Variants in IGSF9B observed in about 807,000 individuals in gnomAD.
IGSF9B encodes the protein immunoglobulin superfamily member 9B.
In IGSF9B, 48 loss-of-function variants were observed where a neutral mutation model predicts 143.7. The observed-to-expected ratio is 0.33, with a 90% CI of 0.26 to 0.42. The LOEUF is 0.42. Ranked by LOEUF, IGSF9B falls within the 20% of genes least tolerant of loss-of-function variation. IGSF9B has a pLI of 1.00. For missense variants in IGSF9B, 1,706 were observed against 1,980.0 expected (o/e 0.86, Z 2.63); for synonymous variants, 903 against 833.1 (o/e 1.08, Z -1.44).
intron 1 of IGSF9B, among the ~76,000 whole-genome samples, chr11:133,952,890 T>C (rs929438290): frequency 6.6e-6 from 1 of 152,140 alleles, no homozygotes; most frequent in African/African-American, 2.4e-5. Context: ...CACAAGCTGC[T>C]TCACCTCTTC....
At chr11:133,936,260 T>C (rs1195464290) in intron 5 of IGSF9B, 66 bp from the exon 6 acceptor site, 2 of 1,505,448 alleles carry the variant, frequency 1.3e-6, no homozygotes, top group African/African-American at 1.4e-5. Context: ...CCAGGCCTCC[T>C]GGGAGCCCTC....
In IGSF9B at chr11:133,928,100, C is replaced by T. The variant is rs1022121556; in HGVS notation, c.1632-1009G>A. On this transcript the variant is annotated intron_variant, in intron 12 of 19. Transcript: ENST00000533871. The surrounding 1 kb of genome is among the most constrained non-coding windows in gnomAD (Gnocchi z 4.7). ...GATGAGCAGCAGCGTGGAGCAGCAG[C>T]GTGAAGCAGCACCGCAAGCAGCAGG... is the stretch of plus-strand genomic sequence containing the variant. Among the ~76,000 whole-genome samples the T allele has an allele frequency of 5.3e-5, 8 of 152,248 alleles. No homozygotes were observed. The East Asian group carries it at 5.8e-4, about 11-fold the overall frequency.
intron 7 of IGSF9B, 107 bp downstream of exon 7, chr11:133,935,510 T>A: frequency 7.9e-7 from 1 of 1,261,090 alleles, no homozygotes; most frequent in Non-Finnish European, 1.1e-6. Flanking sequence ...TCCACCTACA[T>A]GCCCCCAAAT....
At chr11:133,919,531 G>A (rs1461425065) in intron 18 of IGSF9B, among the ~76,000 whole-genome samples, 2 of 152,172 alleles carry the variant, frequency 1.3e-5, no homozygotes, top group South Asian at 4.1e-4. Context: ...TCATGCTCCC[G>A]GCAGGGCACC....
In IGSF9B at chr11:133,951,936, G is replaced by A. The variant is rs752770218; in HGVS notation, c.64+4755C>T. ...GAAAATGAAGACAGTGACTCACCTC[G>A]TACAGTCTGTGCCTGTGTGCAAGTC... On this transcript the variant is annotated intron_variant, in intron 1 of 19. Transcript: ENST00000533871. The A allele has an allele frequency of 6.1e-4, 233 of 384,438 alleles. 2 individuals are homozygous for A. Among genetic ancestry groups the A allele is most frequent in the South Asian group, 4.0e-3 (213 of 53,562 alleles). The allele number at this position is 384,438 out of a possible 1,614,324, so 23.8% of individuals were successfully genotyped here.
At chr11:133,943,347 C>G (rs545383511) in intron 3 of IGSF9B, among the ~76,000 whole-genome samples, 1 of 152,226 alleles carries the variant, frequency 6.6e-6, no homozygotes, top group African/African-American at 2.4e-5. Context: ...CCTCCCACGA[C>G]GGGGACCACT....
At position 133,920,814 on chromosome 11, in the gene IGSF9B, T is replaced by G. The variant is rs1330707769; in HGVS notation, c.2911A>C (p.Ser971Arg). The change falls in exon 18 of 20, where the codon AGC becomes CGC. Residue 971 changes from serine to arginine, a missense_variant. Ser to Arg is a moderately radical substitution (Grantham distance 110, BLOSUM62 -1). Around this residue, in one of 7 missense-constraint regions of IGSF9B, gnomAD observed 880 missense variants for 762.9 expected, o/e 1.15. Transcript: ENST00000533871. Reference sequence around the variant, plus strand: ...TCCACCTCCCCAGGGCTGCTGCTGCTGAGGTACCCATAATACTGGCCATGG... The same window carrying G: ...TCCACCTCCCCAGGGCTGCTGCTGCGGAGGTACCCATAATACTGGCCATGG... ...FHHGQYYGYLSSSSPGEVEPP... is the reference protein window; with the variant it reads ...FHHGQYYGYLRSSSPGEVEPP... 6.2e-7 allele frequency: 1 copy of G among 1,605,714 alleles called. No homozygotes were observed. Among genetic ancestry groups the G allele is most frequent in the Admixed American group, 1.7e-5 (1 of 59,380 alleles).
rs772295879 is a variant in IGSF9B, at chr11:133,921,236, T to C, written c.2489A>G (p.Lys830Arg). Residue 830 changes from lysine (K) to arginine (R), a missense_variant, in exon 18 of 20, where the codon AAG (lysine) becomes AGG (arginine). Physicochemically the swap from Lys to Arg is conservative, Grantham distance 26. Transcript: ENST00000533871. ...CTCTGCCTTGGCCACGCTGTACTTC[T>C]TGCTGCTGATGGCCCGCTTGGTCTT... The part of the protein sequence containing the change: ...YKKTKRAISS[K>R]KYSVAKAEAE... 3 of 1,610,910 alleles carry C rather than the reference T, an allele frequency of 1.9e-6. No homozygotes were observed. Among genetic ancestry groups the C allele is most frequent in the Non-Finnish European group, 2.5e-6 (3 of 1,179,082 alleles).
chr11:133,952,776 CGCACACACATGTGCACATGTATGCATGT>C (rs1437936144), intron 1 of IGSF9B, among the ~76,000 whole-genome samples: 1 of 148,954 alleles, frequency 6.7e-6, no homozygotes, highest in African/African-American at 2.5e-5. Context: ...TGTGTGTATG[CGCACACACATGTGCACATGTATGCATGT>C]GCACACACAC....
At chr11:133,947,495 A>T (rs1940075170) in intron 1 of IGSF9B, among the ~76,000 whole-genome samples, 1 of 152,154 alleles carries the variant, frequency 6.6e-6, no homozygotes, top group Non-Finnish European at 1.5e-5. Context: ...CAGCTTAAAG[A>T]CAGAGAGCCA....
intron 14 of IGSF9B, 36 bp downstream of exon 14, chr11:133,925,703 T>C (rs1231019723): frequency 1.3e-6 from 2 of 1,568,580 alleles, no homozygotes; most frequent in Non-Finnish European, 1.7e-6. Flanking sequence ...CTTCCCGGAT[T>C]TGGGAAGCAG....
chr11:133,908,864 C>A lies in IGSF9B; in HGVS notation c.*205G>T, dbSNP rs1939253915. On this transcript the variant is annotated 3_prime_UTR_variant, in exon 20 of 20. Coordinates refer to ENST00000533871, the MANE Select transcript of IGSF9B (RefSeq NM_001277285.4). ...TCCAATCCACTTCCTGACCTCGACCCACAGGTGGAAGGTGTGCCCACCCTC... is the reference window on the plus strand; with the variant it reads ...TCCAATCCACTTCCTGACCTCGACCAACAGGTGGAAGGTGTGCCCACCCTC... The A allele has an allele frequency of 5.3e-6, 3 of 563,800 alleles. No individual in the cohort carries two copies. The highest frequency in any genetic ancestry group is 3.1e-5 in the Admixed American group (1 of 32,056). 34.9% of individuals were successfully genotyped at this position (563,800 alleles called of 1,614,324 possible). A position where few individuals can be genotyped will look rare whatever the true frequency, so the allele number is the denominator to read the frequency against.
In IGSF9B at chr11:133,953,509, C is replaced by A. The variant is rs1940200356; in HGVS notation, c.64+3182G>T. On this transcript the variant is annotated intron_variant, in intron 1 of 19. Transcript: ENST00000533871. The surrounding 1 kb of genome is among the most constrained non-coding windows in gnomAD (Gnocchi z 4.2). ...CTCACCACGGGGTCTTGATAGCAAC[C>A]TCTGAGTCCAAACCTCCACCCTCCC... Among the ~76,000 whole-genome samples the A allele has an allele frequency of 6.6e-6, 1 of 152,212 alleles. No homozygotes were observed. Among genetic ancestry groups the A allele is most frequent in the African/African-American group, 2.4e-5 (1 of 41,448 alleles).
chr11:133,947,898 T>G (rs1940085278), intron 1 of IGSF9B, among the ~76,000 whole-genome samples: 1 of 152,060 alleles, frequency 6.6e-6, no homozygotes, highest in Admixed American at 6.6e-5. Flanking sequence ...GGGCTCCATT[T>G]CTGCATGTGT....
Position 133,946,219 on chromosome 11 carries a change from G to A in IGSF9B, c.104C>T (p.Ala35Val). 6.2e-7 allele frequency: 1 copy of A among 1,613,720 alleles called. No homozygotes were observed. Among genetic ancestry groups the A allele is most frequent in the Non-Finnish European group, 8.5e-7 (1 of 1,179,820 alleles). ...GLREEPEFVT[A>V]RAGESVVLRC... is the part of the protein sequence containing the mutation. ...CAGGACCACGCTCTCCCCAGCTCTT[G>A]CCGTCACAAACTCGGGCTCCTCTCG... is the stretch of plus-strand genomic sequence containing the variant. Residue 35 changes from alanine to valine, a missense_variant, in exon 2 of 20, where the codon GCA becomes GTA. This residue lies in a region of IGSF9B where 171 missense variants were observed against 213.9 expected (regional missense o/e 0.80). Transcript: ENST00000533871.
chr11:133,937,806 T>G lies in IGSF9B; in HGVS notation c.561+4A>C. 6.2e-7 allele frequency: 1 copy of G among 1,608,954 alleles called. No homozygotes were observed. Reference sequence around the variant, plus strand: ...CAGCGGCCCCAACCTAGAACCACACTCACCTGGTATTTCCCACTAGCACCG... The same window carrying G: ...CAGCGGCCCCAACCTAGAACCACACGCACCTGGTATTTCCCACTAGCACCG... On this transcript the variant is annotated splice_donor_region_variant and intron_variant, in intron 4 of 19. Transcript: ENST00000533871.
chr11:133,921,288 G>A lies in IGSF9B; in HGVS notation c.2437C>T (p.Arg813Cys), dbSNP rs373895799. The A allele has an allele frequency of 4.3e-5, 70 of 1,610,822 alleles. 1 individual carries two copies. In the Middle Eastern group the frequency reaches 6.6e-4, roughly 15 times the overall value. Residue 813 changes from arginine to cysteine, a missense_variant, in exon 18 of 20, where the codon CGT (arginine) becomes TGT (cysteine). Physicochemically the swap from Arg to Cys is radical, Grantham distance 180. Transcript: ENST00000533871. ...TTGTACAGCGACAGCTCCTTCTCAC[G>A]GGTGGGGCTCAGCATCCTCTTGGCC... ...PAAKRMLSPT[R>C]EKELSLYKKT...
chr11:133,955,055 G>C (rs1301483469), intron 1 of IGSF9B, among the ~76,000 whole-genome samples: 1 of 152,160 alleles, frequency 6.6e-6, no homozygotes, highest in Non-Finnish European at 1.5e-5. Flanking sequence ...TTCCTTCAGC[G>C]TCTCTTTTCT....
chr11:133,920,007 G>A lies in IGSF9B; in HGVS notation c.3718C>T (p.Gln1240Ter). The A allele has an allele frequency of 1.3e-6, 2 of 1,584,938 alleles. No homozygotes were observed. The highest frequency in any genetic ancestry group is 1.7e-6 in the Non-Finnish European group (2 of 1,165,110). ...QQAEMSEITL[Q>*]PPAAVSFSRK... ...GAAAAGCTGACTGCAGCCGGCGGCT[G>A]CAGGGTGATCTCTGACATCTCTGCC... Residue 1240 changes from glutamine to a stop codon, truncating the protein, a stop_gained, in exon 18 of 20, where the codon CAG becomes TAG. Transcript: ENST00000533871. LOFTEE classifies it high-confidence loss of function.
Sources: gnomAD v4.1 joint callset for allele counts (sites outside exome capture counted in the v4.1 genomes callset) on GRCh38, gnomAD v4.1.1 for gene constraint, gnomAD v4.1.1 regional missense constraint, Gnocchi (gnomAD v3.1) non-coding constraint, MANE v1.5 for transcripts, NCBI Gene and HGNC (gene_info 2026-07-23, HGNC 2026-07-21) for gene names.